The following KLHL2 variants were observed in gnomAD, a reference collection of about 807,000 sequenced individuals.
KLHL2 encodes the protein kelch like family member 2, also known as kelch-like protein 2.
KLHL2 carries 15 observed loss-of-function variants against 75.8 expected under a neutral mutation model. That is an observed-to-expected ratio of 0.20 (90% CI 0.13 to 0.30). KLHL2 has a LOEUF of 0.30. Among genes scored for constraint, KLHL2 ranks in the 10% least tolerant of loss-of-function variants. The pLI is 1.00. For synonymous variants in KLHL2, 214 were observed against 251.9 expected, an observed-to-expected ratio of 0.85 and a Z score of 1.42; for missense variants, 381 against 741.0, an observed-to-expected ratio of 0.51 and a Z score of 5.64.
chr4:165,301,138 T>G (rs1745320444), intron 8 of KLHL2, among the ~76,000 whole-genome samples: 1 of 152,216 alleles, frequency 6.6e-6, no homozygotes, highest in Non-Finnish European at 1.5e-5. Context: ...TTGTGGAAAG[T>G]TTCATTCTAT....
chr4:165,289,869 C>T (rs1176806743), intron 5 of KLHL2, among the ~76,000 whole-genome samples: 1 of 152,116 alleles, frequency 6.6e-6, no homozygotes, highest in Non-Finnish European at 1.5e-5. Context: ...TCTTTCCCCT[C>T]ATGAAAAGCA....
At chr4:165,299,843 G>A (rs879036394) in intron 8 of KLHL2, among the ~76,000 whole-genome samples, 187 bp downstream of exon 8, 1 of 152,166 alleles carries the variant, frequency 6.6e-6, no homozygotes, top group Non-Finnish European at 1.5e-5. Context: ...TAAGGGTGGG[G>A]ATTCTTTGGT....
intron 4 of KLHL2, among the ~76,000 whole-genome samples, chr4:165,260,960 G>A (rs1243305776): frequency 6.6e-6 from 1 of 152,164 alleles, no homozygotes; most frequent in Admixed American, 6.5e-5. Flanking sequence ...CCTGTTTCCT[G>A]CCCAACCACT....
At chr4:165,260,154 A>C (rs564998417) in intron 4 of KLHL2, among the ~76,000 whole-genome samples, 33 of 152,272 alleles carry the variant, frequency 2.2e-4, no homozygotes, top group African/African-American at 7.9e-4. Context: ...ATTGCTTTTG[A>C]AGCTGTATAT....
intron 5 of KLHL2, among the ~76,000 whole-genome samples, chr4:165,274,978 C>T (rs1270531726): frequency 6.6e-6 from 1 of 152,210 alleles, no homozygotes; most frequent in Non-Finnish European, 1.5e-5. Flanking sequence ...GCACTGACCA[C>T]CCTGCTTCTC....
intron 4 of KLHL2, among the ~76,000 whole-genome samples, chr4:165,252,976 A>C (rs1347469712): frequency 2.0e-5 from 3 of 152,240 alleles, no homozygotes; most frequent in African/African-American, 7.2e-5. Flanking sequence ...CCCTGACTTA[A>C]AGTGGCATAG....
intron 3 of KLHL2, among the ~76,000 whole-genome samples, chr4:165,235,520 T>A (rs1489719570): frequency 6.6e-6 from 1 of 152,262 alleles, no homozygotes; most frequent in African/African-American, 2.4e-5. Flanking sequence ...CATTTTAAAT[T>A]GGCACTTGCT....
At chr4:165,237,678 G>A (rs1200335541) in intron 3 of KLHL2, among the ~76,000 whole-genome samples, 2 of 152,188 alleles carry the variant, frequency 1.3e-5, no homozygotes, top group Non-Finnish European at 2.9e-5. Context: ...GAAATCTTGA[G>A]GCTATGTTAT....
chr4:165,261,016 GT>G (rs767901151), intron 4 of KLHL2, among the ~76,000 whole-genome samples: 1 of 152,136 alleles, frequency 6.6e-6, no homozygotes, highest in Non-Finnish European at 1.5e-5. Context: ...GTATTATACT[GT>G]TTTCTCTAGG....
At chr4:165,283,460 C>T (rs1743846987) in intron 5 of KLHL2, among the ~76,000 whole-genome samples, 1 of 152,218 alleles carries the variant, frequency 6.6e-6, no homozygotes. Flanking sequence ...GGGCTACTGG[C>T]CCCATGCAAG....
rs1306392352 is a variant in KLHL2, at chr4:165,212,639, T to A, written c.26+4737T>A. On this transcript the variant is annotated intron_variant, in intron 1 of 14. Coordinates refer to ENST00000226725, the MANE Select transcript of KLHL2 (RefSeq NM_007246.4). The stretch of plus-strand genomic sequence containing the variant: ...AAATGTGATTTGCATACTTTATCAC[T>A]TAATCTCACTTAGTCTTGTCAACAA... Among the ~76,000 whole-genome samples, 4 of 152,250 alleles carry A rather than the reference T, an allele frequency of 2.6e-5. No individual in the cohort carries two copies. The East Asian group carries it at 7.7e-4, about 29-fold the overall frequency.
chr4:165,322,810 T>C lies in KLHL2; in HGVS notation c.*750T>C, dbSNP rs534573253. 4.6e-5 allele frequency: 7 copies of C among 152,650 alleles called. No homozygotes were observed. Among genetic ancestry groups the C allele is most frequent in the Non-Finnish European group, 7.3e-5 (5 of 68,034 alleles). 9.5% of individuals were successfully genotyped at this position (152,650 alleles called of 1,614,324 possible). A position where few individuals can be genotyped will look rare whatever the true frequency, so the allele number is the denominator to read the frequency against. On this transcript the variant is annotated 3_prime_UTR_variant, in exon 15 of 15. Coordinates refer to ENST00000226725, the MANE Select transcript of KLHL2 (RefSeq NM_007246.4). ...TGATGCCAAACTTTTTAAAATACAA[T>C]ATAAATTATGCTTATTTATTATTTT...
At chr4:165,224,098 T>C (rs1738236531) in intron 2 of KLHL2, 2 of 221,948 alleles carry the variant, frequency 9.0e-6, no homozygotes, top group South Asian at 8.3e-5. Context: ...ATATTTTTAG[T>C]AGAGACAGGA....
intron 4 of KLHL2, among the ~76,000 whole-genome samples, chr4:165,250,914 G>T (rs946623673): frequency 6.6e-6 from 1 of 152,120 alleles, no homozygotes; most frequent in Non-Finnish European, 1.5e-5. Flanking sequence ...CCACACTCGG[G>T]TGATTGTAGT....
intron 5 of KLHL2, among the ~76,000 whole-genome samples, chr4:165,270,998 G>A (rs1457380448): frequency 6.6e-6 from 1 of 152,044 alleles, no homozygotes; most frequent in East Asian, 1.9e-4. Context: ...CTGTTCCATT[G>A]GTCTACATAT....
intron 1 of KLHL2, among the ~76,000 whole-genome samples, chr4:165,216,390 T>C (rs1236586327): frequency 3.9e-5 from 6 of 152,278 alleles, no homozygotes; most frequent in Non-Finnish European, 8.8e-5. Flanking sequence ...CAATAGGCTA[T>C]TGGATAATTG....
At chr4:165,282,875 A>G (rs1160923659) in intron 5 of KLHL2, among the ~76,000 whole-genome samples, 1 of 151,902 alleles carries the variant, frequency 6.6e-6, no homozygotes, top group East Asian at 1.9e-4. Context: ...AGACTGGGCA[A>G]TTTACAAAAG....
chr4:165,221,320 A>G (rs1737971946), intron 2 of KLHL2, among the ~76,000 whole-genome samples: 1 of 152,228 alleles, frequency 6.6e-6, no homozygotes. Flanking sequence ...GTGGTCAGGA[A>G]AGGCTTTCTT....
At chr4:165,214,981 C>T (rs1438291534) in intron 1 of KLHL2, among the ~76,000 whole-genome samples, 1 of 151,942 alleles carries the variant, frequency 6.6e-6, no homozygotes, top group East Asian at 1.9e-4. Context: ...TTCAGTTCTA[C>T]ATACTGAAGA....
Sources: gnomAD v4.1 joint callset for allele counts (sites outside exome capture counted in the v4.1 genomes callset) on GRCh38, gnomAD v4.1.1 for gene constraint, MANE v1.5 for transcripts, NCBI Gene and HGNC (gene_info 2026-07-23, HGNC 2026-07-21) for gene names.